Variants in ASAP1 observed in about 807,000 individuals in gnomAD.
The protein encoded by ASAP1 is ArfGAP with SH3 domain, ankyrin repeat and PH domain 1.
A neutral mutation model predicts 145.2 loss-of-function variants in ASAP1; 43 were observed. The ratio of observed to expected loss-of-function variants is 0.30; its 90% CI spans 0.23 to 0.38. ASAP1 has a LOEUF of 0.38. Among genes scored for constraint, ASAP1 ranks in the 10% least tolerant of loss-of-function variants. The probability of loss-of-function intolerance (pLI) is 1.00; values close to 1 mark genes in which losing one functional copy is unlikely to be tolerated. For synonymous variants in ASAP1, 546 were observed against 515.5 expected, an observed-to-expected ratio of 1.06 and a Z score of -0.80; for missense variants, 1,018 against 1,355.3, an observed-to-expected ratio of 0.75 and a Z score of 3.91.
At chr8:130,166,405 A>G (rs2097679924) in intron 11 of ASAP1, among the ~76,000 whole-genome samples, 2 of 152,186 alleles carry the variant, frequency 1.3e-5, no homozygotes, top group African/African-American at 2.4e-5. Flanking sequence ...CATGAAGTCT[A>G]CGTCCCTTAG....
intron 3 of ASAP1, among the ~76,000 whole-genome samples, chr8:130,305,830 C>T (rs889606225): frequency 2.0e-5 from 3 of 152,188 alleles, no homozygotes; most frequent in Non-Finnish European, 4.4e-5. Context: ...GACTTTACTA[C>T]CAGCTGTTTC....
chr8:130,443,590 G>C lies in ASAP1; in HGVS notation c.-158C>G, dbSNP rs1189168987. ...GGAGGCGCGGGCCCGGGGCTGCCCA[G>C]CGCACAGTGCTCGCCCGCGGCAGCG... On this transcript the variant is annotated 5_prime_UTR_variant, in exon 1 of 30. Coordinates refer to ENST00000518721, the MANE Select transcript of ASAP1 (RefSeq NM_018482.4). 1 of 151,026 alleles carries C rather than the reference G, an allele frequency of 6.6e-6. No individual in the cohort carries two copies. The highest frequency in any genetic ancestry group is 2.1e-4 in the South Asian group (1 of 4,834). The allele number at this position is 151,026 out of a possible 1,614,324, so 9.4% of individuals were successfully genotyped here.
At chr8:130,153,341 A>C (rs1171681306) in intron 12 of ASAP1, among the ~76,000 whole-genome samples, 15 of 47,852 alleles carry the variant, frequency 3.1e-4, no homozygotes, top group African/African-American at 9.3e-4. Context: ...AAATATATAT[A>C]TATATATATA....
chr8:130,189,179 C>T (rs1410789544), intron 5 of ASAP1, among the ~76,000 whole-genome samples: 2 of 152,116 alleles, frequency 1.3e-5, no homozygotes, highest in Admixed American at 1.3e-4. Context: ...CATTTCAATT[C>T]CACTCTAGTT....
At chr8:130,153,334 T>A (rs1310235655) in intron 12 of ASAP1, among the ~76,000 whole-genome samples, 1 of 45,810 alleles carries the variant, frequency 2.2e-5, no homozygotes, top group Non-Finnish European at 4.2e-5. Context: ...GCTTTTTAAA[T>A]ATATATATAT....
At chr8:130,069,859 A>G (rs1357314145) in intron 27 of ASAP1, among the ~76,000 whole-genome samples, 1 of 152,224 alleles carries the variant, frequency 6.6e-6, no homozygotes, top group Non-Finnish European at 1.5e-5. Context: ...AAAGATTGAC[A>G]AAAGGTCCAG....
chr8:130,301,789 A>G (rs570184219), intron 3 of ASAP1, among the ~76,000 whole-genome samples: 1 of 152,372 alleles, frequency 6.6e-6, no homozygotes, highest in African/African-American at 2.4e-5. Context: ...ATGTCAACAG[A>G]TATGCATATG....
chr8:130,405,648 G>A (rs1156779445), intron 1 of ASAP1, among the ~76,000 whole-genome samples: 7 of 152,184 alleles, frequency 4.6e-5, no homozygotes, highest in Non-Finnish European at 8.8e-5. Flanking sequence ...CTAGACCATC[G>A]TGAACCTTCA....
At chr8:130,079,578 C>A (rs2097473851) in intron 26 of ASAP1, among the ~76,000 whole-genome samples, 1 of 152,010 alleles carries the variant, frequency 6.6e-6, no homozygotes, top group African/African-American at 2.4e-5. Context: ...ATTAAAATAT[C>A]AAAAATAAAA....
intron 15 of ASAP1, 25 bp downstream of exon 15, chr8:130,134,271 G>A (rs574712031): frequency 3.6e-5 from 56 of 1,543,264 alleles, no homozygotes; most frequent in African/African-American, 3.2e-4. Flanking sequence ...CCAAGGCATC[G>A]CACCTTTATT....
chr8:130,417,186 G>A (rs1442534521), intron 1 of ASAP1, among the ~76,000 whole-genome samples: 3 of 113,218 alleles, frequency 2.6e-5, no homozygotes, highest in South Asian at 2.4e-4. Context: ...AACAACCCAC[G>A]TACAACTGCA....
At chr8:130,378,510 G>A (rs1176465512) in intron 2 of ASAP1, among the ~76,000 whole-genome samples, 1 of 152,242 alleles carries the variant, frequency 6.6e-6, no homozygotes, top group African/African-American at 2.4e-5. Context: ...GATGTGGAGT[G>A]GTGCAAATAG....
At chr8:130,208,502 A>G (rs1306790329) in intron 5 of ASAP1, 1 of 152,062 alleles carries the variant, frequency 6.6e-6, no homozygotes, top group African/African-American at 2.4e-5. Context: ...ATAAAAATAC[A>G]CAGATGGCAA....
intron 3 of ASAP1, among the ~76,000 whole-genome samples, chr8:130,275,586 T>C (rs1179770123): frequency 6.6e-6 from 1 of 151,968 alleles, no homozygotes; most frequent in African/African-American, 2.4e-5. Context: ...TATCAACTTA[T>C]AAAGCAATTC....
At chr8:130,189,184 CTA>C (rs1327426987) in intron 5 of ASAP1, among the ~76,000 whole-genome samples, 1 of 152,140 alleles carries the variant, frequency 6.6e-6, no homozygotes, top group South Asian at 2.1e-4. Context: ...CAATTCCACT[CTA>C]GTTATTTTGA....
At chr8:130,106,440 C>T (rs2097536988) in intron 24 of ASAP1, among the ~76,000 whole-genome samples, 1 of 152,194 alleles carries the variant, frequency 6.6e-6, no homozygotes, top group Non-Finnish European at 1.5e-5. Context: ...ACCCTTTCTA[C>T]TCTTCTTCCT....
At chr8:130,416,835 A>G (rs776340397) in intron 1 of ASAP1, among the ~76,000 whole-genome samples, 3 of 152,242 alleles carry the variant, frequency 2.0e-5, no homozygotes, top group Non-Finnish European at 4.4e-5. Flanking sequence ...TGTGGGAAAG[A>G]GCATCAGACT....
chr8:130,248,339 A>C (rs2136818256), intron 3 of ASAP1, among the ~76,000 whole-genome samples: 1 of 152,326 alleles, frequency 6.6e-6, no homozygotes, highest in South Asian at 2.1e-4. Context: ...GGTGAAGACA[A>C]GAATGTTCTC....
chr8:130,295,264 C>G lies in ASAP1; in HGVS notation c.187-58270G>C, dbSNP rs529189297. 1.6e-3 allele frequency among the ~76,000 whole-genome samples: 244 copies of G among 152,210 alleles called. 2 individuals are homozygous for G. The highest frequency in any genetic ancestry group is 3.0e-3 in the Non-Finnish European group (202 of 68,022). ...CACCACTGCACTCCAGCCTAGGCAA[C>G]AGAGCAAGACTGTCTCACAAAGAAA... On this transcript the variant is annotated intron_variant, in intron 3 of 29. Transcript: ENST00000518721.
Sources: allele counts gnomAD v4.1 joint callset (sites outside exome capture counted in the v4.1 genomes callset), GRCh38; gene constraint gnomAD v4.1.1; transcripts MANE v1.5; gene names NCBI Gene and HGNC (gene_info 2026-07-23, HGNC 2026-07-21).